Variants in CERS6 observed in about 807,000 individuals in gnomAD.
CERS6 encodes ceramide synthase 6, also known as LAG1 homolog, ceramide synthase 6.
A neutral mutation model predicts 56.8 loss-of-function variants in CERS6; 26 were observed. The ratio of observed to expected loss-of-function variants is 0.46; its 90% CI spans 0.34 to 0.63. The LOEUF is 0.63. Ranked by LOEUF, CERS6 falls within the 30% of genes least tolerant of loss-of-function variation. The pLI is 0.01. For synonymous variants in CERS6, 164 were observed against 173.3 expected (o/e 0.95, Z 0.42); for missense variants, 415 against 467.5 (o/e 0.89, Z 1.04).
intron 4 of CERS6, among the ~76,000 whole-genome samples, chr2:168,639,735 A>C (rs1172588964): frequency 2.6e-5 from 4 of 152,038 alleles, no homozygotes; most frequent in Non-Finnish European, 5.9e-5. Flanking sequence ...AGGAATTCCG[A>C]TTGGACCAGC....
chr2:168,648,108 T>C (rs898674251), intron 4 of CERS6, among the ~76,000 whole-genome samples: 2 of 152,162 alleles, frequency 1.3e-5, no homozygotes, highest in Non-Finnish European at 2.9e-5. Context: ...TTCTTTGTAA[T>C]CTGGTAGAAT....
intron 2 of CERS6, among the ~76,000 whole-genome samples, chr2:168,559,764 A>G (rs919957657): frequency 8.1e-5 from 2 of 24,612 alleles, no homozygotes; most frequent in Admixed American, 8.7e-4. Flanking sequence ...TTTCACCCTT[A>G]TTACTTGAAG....
At chr2:168,650,054 G>A (rs1264726069) in intron 4 of CERS6, among the ~76,000 whole-genome samples, 2 of 152,102 alleles carry the variant, frequency 1.3e-5, no homozygotes, top group African/African-American at 4.8e-5. Context: ...AAAAGAAATA[G>A]GTAAGTGAGA....
intron 1 of CERS6, among the ~76,000 whole-genome samples, chr2:168,503,722 A>G (rs1409631648): frequency 6.6e-6 from 1 of 152,114 alleles, no homozygotes; most frequent in Non-Finnish European, 1.5e-5. Context: ...AAAAGAGGAG[A>G]TCATAATTTG....
intron 3 of CERS6, among the ~76,000 whole-genome samples, chr2:168,622,165 G>A (rs1162894016): frequency 1.3e-5 from 2 of 152,158 alleles, no homozygotes; most frequent in Non-Finnish European, 2.9e-5. Context: ...CCCTAGAAAT[G>A]TCCAATCTTT....
At chr2:168,476,211 CT>C (rs559550170) in intron 1 of CERS6, among the ~76,000 whole-genome samples, 169 of 142,054 alleles carry the variant, frequency 1.2e-3, no homozygotes, top group South Asian at 2.0e-3. Flanking sequence ...CTGGCATCCT[CT>C]TTTTTTTTTT....
intron 4 of CERS6, among the ~76,000 whole-genome samples, chr2:168,645,090 T>A (rs4668087): frequency 0.94 from 21,737 of 23,170 alleles, 10,370 homozygotes; most frequent in East Asian, 0.97. Context: ...GACTGCATCT[T>A]AAAAAAAAAA....
intron 2 of CERS6, among the ~76,000 whole-genome samples, chr2:168,557,947 T>G (rs1382195107): frequency 6.6e-6 from 1 of 151,970 alleles, no homozygotes. Flanking sequence ...ACAAGGAGAA[T>G]ACCAAGGAAT....
At chr2:168,726,249 C>T (rs1683347181) in intron 8 of CERS6, among the ~76,000 whole-genome samples, 1 of 152,188 alleles carries the variant, frequency 6.6e-6, no homozygotes, top group Non-Finnish European at 1.5e-5. Flanking sequence ...CAGTGATTCA[C>T]CGGGCTCTCT....
At chr2:168,544,315 T>C (rs934822980) in intron 1 of CERS6, among the ~76,000 whole-genome samples, 1 of 152,230 alleles carries the variant, frequency 6.6e-6, no homozygotes, top group Non-Finnish European at 1.5e-5. Context: ...GAAAGAAATA[T>C]ACTGTCTTCT....
intron 8 of CERS6, among the ~76,000 whole-genome samples, chr2:168,724,588 G>C (rs1034717214): frequency 3.4e-4 from 51 of 152,220 alleles, no homozygotes; most frequent in Admixed American, 1.2e-3. Context: ...GCTAGATACA[G>C]AGTGCCGATT....
chr2:168,741,642 T>C (rs917362118), intron 8 of CERS6, among the ~76,000 whole-genome samples: 1 of 152,166 alleles, frequency 6.6e-6, no homozygotes, highest in African/African-American at 2.4e-5. Context: ...GAGCATGACG[T>C]TGACTGTGTG....
chr2:168,721,649 T>G (rs2105398543), intron 8 of CERS6, among the ~76,000 whole-genome samples: 1 of 150,910 alleles, frequency 6.6e-6, no homozygotes, highest in East Asian at 2.0e-4. Flanking sequence ...AACGGGGTCT[T>G]GCTCTGTTGG....
intron 3 of CERS6, among the ~76,000 whole-genome samples, chr2:168,594,260 C>T (rs1253429282): frequency 6.6e-6 from 1 of 152,034 alleles, no homozygotes; most frequent in East Asian, 1.9e-4. Flanking sequence ...GCTTCTTTGT[C>T]GAGTGACTCA....
chr2:168,750,080 G>A (rs990968473), intron 8 of CERS6, among the ~76,000 whole-genome samples: 7 of 152,166 alleles, frequency 4.6e-5, no homozygotes, highest in South Asian at 2.1e-4. Flanking sequence ...GCGAACTGAC[G>A]TGGCACACTG....
At chr2:168,761,725 T>C (rs1239639043) in intron 8 of CERS6, among the ~76,000 whole-genome samples, 1 of 152,126 alleles carries the variant, frequency 6.6e-6, no homozygotes, top group Non-Finnish European at 1.5e-5. Flanking sequence ...AAGTGTAAGG[T>C]GTGTGAGTCC....
intron 6 of CERS6, among the ~76,000 whole-genome samples, chr2:168,704,268 G>T (rs1330114709): frequency 1.3e-5 from 2 of 152,084 alleles, no homozygotes; most frequent in Non-Finnish European, 2.9e-5. Context: ...GCTGCAGAGG[G>T]CTGCAGCATT....
At chr2:168,610,446 C>T (rs888749511) in intron 3 of CERS6, among the ~76,000 whole-genome samples, 1 of 152,084 alleles carries the variant, frequency 6.6e-6, no homozygotes, top group East Asian at 1.9e-4. Context: ...TTACTAAATC[C>T]TCGGTATATC....
At chr2:168,683,927 TAAG>T (rs1686282021) in intron 4 of CERS6, among the ~76,000 whole-genome samples, 1 of 152,184 alleles carries the variant, frequency 6.6e-6, no homozygotes, top group South Asian at 2.1e-4. Flanking sequence ...CTGAAAGGCT[TAAG>T]AAGCCATGGA....
Sources: allele counts gnomAD v4.1 joint callset (sites outside exome capture counted in the v4.1 genomes callset), GRCh38; gene constraint gnomAD v4.1.1; transcripts MANE v1.5; gene names NCBI Gene and HGNC (gene_info 2026-07-23, HGNC 2026-07-21).